The following LINGO2 variants were observed in gnomAD, a reference collection of about 807,000 sequenced individuals.
LINGO2 encodes leucine-rich repeat and immunoglobulin-like domain-containing nogo receptor-interacting protein 2.
A neutral mutation model predicts 30.6 loss-of-function variants in LINGO2; 14 were observed. That is an observed-to-expected ratio of 0.46 (90% CI 0.30 to 0.72). The LOEUF (loss-of-function observed/expected upper bound fraction) is 0.72, where lower values mean the gene tolerates loss of function less well. LINGO2 is among the 30% of genes least tolerant of loss of function. The pLI, the probability that LINGO2 is intolerant of heterozygous loss-of-function variation, is 0.07. For missense variants in LINGO2, 729 were observed against 751.7 expected (o/e 0.97, Z 0.35); for synonymous variants, 317 against 288.5 (o/e 1.10, Z -1.00).
chr9:28,483,931 A>G (rs560634257), intron 1 of LINGO2, among the ~76,000 whole-genome samples: 2 of 152,212 alleles, frequency 1.3e-5, no homozygotes, highest in South Asian at 4.1e-4. Flanking sequence ...CTAAAGAACT[A>G]TATTTTCCTC....
At chr9:28,652,397 G>A (rs1828143061) in intron 1 of LINGO2, among the ~76,000 whole-genome samples, 2 of 152,008 alleles carry the variant, frequency 1.3e-5, no homozygotes, top group South Asian at 4.2e-4. Flanking sequence ...CCCACTTTAA[G>A]TTCTTTGTTT....
chr9:28,426,384 C>T (rs1284566491), intron 2 of LINGO2, among the ~76,000 whole-genome samples: 1 of 151,950 alleles, frequency 6.6e-6, no homozygotes, highest in Non-Finnish European at 1.5e-5. Flanking sequence ...AAAGAAGTAA[C>T]ATTTTGCTCA....
At chr9:28,117,455 G>A (rs1463483992) in intron 4 of LINGO2, among the ~76,000 whole-genome samples, 5 of 103,050 alleles carry the variant, frequency 4.9e-5, no homozygotes, top group Admixed American at 1.1e-4. Flanking sequence ...CGAGCTTCCC[G>A]GCTGCTTTGT....
intron 1 of LINGO2, among the ~76,000 whole-genome samples, chr9:28,616,608 C>A (rs907299036): frequency 2.0e-5 from 3 of 152,138 alleles, no homozygotes; most frequent in African/African-American, 7.2e-5. Context: ...ACATCCTTTG[C>A]ACATATAGAA....
At chr9:28,180,254 T>C (rs1053374397) in intron 4 of LINGO2, among the ~76,000 whole-genome samples, 1 of 152,172 alleles carries the variant, frequency 6.6e-6, no homozygotes, top group Non-Finnish European at 1.5e-5. Flanking sequence ...TCCATGGCTA[T>C]GTGGCCAGGG....
the LINGO2 span, among the ~76,000 whole-genome samples, chr9:28,760,793 A>G: frequency 6.6e-6 from 1 of 151,876 alleles, no homozygotes; most frequent in Non-Finnish European, 1.5e-5. Flanking sequence ...TTAGAATAAC[A>G]GTCTCCAATC....
At chr9:29,204,719 T>C in the LINGO2 span, among the ~76,000 whole-genome samples, 1 of 152,196 alleles carries the variant, frequency 6.6e-6, no homozygotes, top group Non-Finnish European at 1.5e-5. Flanking sequence ...TATTGGACAT[T>C]TGGAGTTTTT....
At chr9:28,809,681 G>A in the LINGO2 span, among the ~76,000 whole-genome samples, 1 of 151,120 alleles carries the variant, frequency 6.6e-6, no homozygotes, top group Non-Finnish European at 1.5e-5. Context: ...GGGAGGCGGA[G>A]GTTGCAGTGA....
intron 1 of LINGO2, among the ~76,000 whole-genome samples, chr9:28,503,099 A>C (rs1309928723): frequency 6.6e-6 from 1 of 152,070 alleles, no homozygotes; most frequent in Non-Finnish European, 1.5e-5. Flanking sequence ...AATTTTTACG[A>C]ATTTGACTCA....
intron 4 of LINGO2, among the ~76,000 whole-genome samples, chr9:28,197,126 A>G (rs372689281): frequency 5.9e-5 from 9 of 152,074 alleles, no homozygotes; most frequent in African/African-American, 1.9e-4. Context: ...TGATTTGATC[A>G]TTACACCTTG....
At chr9:28,899,455 C>A in the LINGO2 span, among the ~76,000 whole-genome samples, 1 of 152,168 alleles carries the variant, frequency 6.6e-6, no homozygotes, top group African/African-American at 2.4e-5. Context: ...GCCCCAGTGG[C>A]CCCAGGCTCC....
intron 5 of LINGO2, among the ~76,000 whole-genome samples, chr9:27,978,600 C>T (rs781140722): frequency 1.3e-5 from 2 of 151,932 alleles, no homozygotes; most frequent in Non-Finnish European, 2.9e-5. Context: ...TATATTGGTG[C>T]CTTCATGAAG....
chr9:28,658,531 ATT>A (rs1828457691), intron 1 of LINGO2, among the ~76,000 whole-genome samples: 1 of 152,054 alleles, frequency 6.6e-6, no homozygotes, highest in African/African-American at 2.4e-5. Flanking sequence ...CTTAAAATAT[ATT>A]TTGTCTGATA....
At chr9:29,079,254 A>T in the LINGO2 span, among the ~76,000 whole-genome samples, 1 of 151,996 alleles carries the variant, frequency 6.6e-6, no homozygotes, top group Non-Finnish European at 1.5e-5. Context: ...TATATTGAAA[A>T]TGAAACCAAG....
the LINGO2 span, among the ~76,000 whole-genome samples, chr9:28,850,418 A>T: frequency 1.6e-4 from 24 of 151,968 alleles, no homozygotes; most frequent in African/African-American, 5.8e-4. Flanking sequence ...TTCTGGGTAT[A>T]TGCATTGATT....
chr9:28,210,822 C>G (rs1317670959), intron 4 of LINGO2, among the ~76,000 whole-genome samples: 3 of 150,804 alleles, frequency 2.0e-5, no homozygotes. Context: ...CATGAGATTT[C>G]TATCTGGTTA....
chr9:28,893,763 T>C, the LINGO2 span, among the ~76,000 whole-genome samples: 2 of 152,096 alleles, frequency 1.3e-5, no homozygotes, highest in South Asian at 2.1e-4. Flanking sequence ...TTTTAATTAT[T>C]ATTATACTTT....
At chr9:28,526,700 G>A (rs552938070) in intron 1 of LINGO2, among the ~76,000 whole-genome samples, 1 of 152,260 alleles carries the variant, frequency 6.6e-6, no homozygotes, top group African/African-American at 2.4e-5. Context: ...ACCCACCACT[G>A]TGTATAGATA....
chr9:28,993,024 C>A, the LINGO2 span, among the ~76,000 whole-genome samples: 1 of 151,918 alleles, frequency 6.6e-6, no homozygotes, highest in Non-Finnish European at 1.5e-5. Flanking sequence ...CAGAGCAGAA[C>A]TGAAGGAAAT....
Sources: gnomAD v4.1 joint callset for allele counts (sites outside exome capture counted in the v4.1 genomes callset) on GRCh38, gnomAD v4.1.1 for gene constraint, MANE v1.5 for transcripts, NCBI Gene and HGNC (gene_info 2026-07-23, HGNC 2026-07-21) for gene names.